The following CYRIA variants were observed in gnomAD, a reference collection of about 807,000 sequenced individuals.
The protein encoded by CYRIA is CYFIP related Rac1 interactor A, also known as CYFIP-related Rac1 interactor A.
In CYRIA, 15 loss-of-function variants were observed where a neutral mutation model predicts 43.9. The ratio of observed to expected loss-of-function variants is 0.34; its 90% CI spans 0.23 to 0.53. The LOEUF (loss-of-function observed/expected upper bound fraction) is 0.53, where lower values mean the gene tolerates loss of function less well. Among genes scored for constraint, CYRIA ranks in the 20% least tolerant of loss-of-function variants. The pLI, the probability that CYRIA is intolerant of heterozygous loss-of-function variation, is 0.94. For synonymous variants in CYRIA, 117 were observed against 136.0 expected, an observed-to-expected ratio of 0.86 and a Z score of 0.97; for missense variants, 236 against 394.2, an observed-to-expected ratio of 0.60 and a Z score of 3.40.
At chr2:16,586,955 C>T (rs1244702951) in intron 3 of CYRIA, among the ~76,000 whole-genome samples, 1 of 151,974 alleles carries the variant, frequency 6.6e-6, no homozygotes, top group East Asian at 1.9e-4. Context: ...TTTGAGCAAA[C>T]ATAAATGTTC....
intron 5 of CYRIA, 137 bp from the exon 6 acceptor site, chr2:16,562,278 G>T: frequency 1.1e-6 from 1 of 927,418 alleles, no homozygotes; most frequent in Non-Finnish European, 1.5e-6. Flanking sequence ...GAGGTGTGCT[G>T]CATGTGGACG....
chr2:16,587,350 A>G (rs1409083881), intron 3 of CYRIA, among the ~76,000 whole-genome samples: 1 of 152,138 alleles, frequency 6.6e-6, no homozygotes, highest in Non-Finnish European at 1.5e-5. Flanking sequence ...GGTTTTCTTC[A>G]CATCTTTTTT....
At chr2:16,637,189 T>C (rs1410514843) in intron 1 of CYRIA, among the ~76,000 whole-genome samples, 1 of 152,188 alleles carries the variant, frequency 6.6e-6, no homozygotes, top group Non-Finnish European at 1.5e-5. Flanking sequence ...GCAGTGCTCA[T>C]CAAACTCTTT....
Position 16,593,718 on chromosome 2 carries a change from GTTTTT to G in CYRIA, c.-10-5594_-10-5590del, listed in dbSNP as rs572181896. On this transcript the variant is annotated intron_variant, in intron 2 of 11. Transcript: ENST00000381323. Reference sequence around the variant, plus strand: ...TGTGTGTTTTTTTTTGTGTGTGTGTGTTTTTTTTTTTTTTTTTTTTATTATACTCT... The same window carrying G: ...TGTGTGTTTTTTTTTGTGTGTGTGTGTTTTTTTTTTTTTTTATTATACTCT... 4.0e-4 allele frequency among the ~76,000 whole-genome samples: 34 copies of G among 85,838 alleles called. 1 individual carries two copies. The highest frequency in any genetic ancestry group is 1.5e-3 in the African/African-American group (29 of 19,110). The allele number at this position is 85,838 out of a possible 152,430, so 56.3% of individuals were successfully genotyped here.
rs567960836 is a variant in CYRIA at position 16,623,462 on chromosome 2, A to C, written c.-11+402T>G. On this transcript the variant is annotated intron_variant, in intron 2 of 11. Coordinates refer to ENST00000381323, the MANE Select transcript of CYRIA (RefSeq NM_030797.4). ...CTGAATTTGTTTCTAAAGATGTTGTAGCAGGTGGGATGCAAGTCCGTTCTC... is the reference window on the plus strand; with the variant it reads ...CTGAATTTGTTTCTAAAGATGTTGTCGCAGGTGGGATGCAAGTCCGTTCTC... Among the ~76,000 whole-genome samples, 23 of 152,336 alleles carry C rather than the reference A, an allele frequency of 1.5e-4. No homozygotes were observed. The East Asian group carries it at 2.3e-3, about 15-fold the overall frequency.
intron 3 of CYRIA, among the ~76,000 whole-genome samples, chr2:16,576,851 C>A (rs1050983537): frequency 6.6e-6 from 1 of 152,048 alleles, no homozygotes; most frequent in African/African-American, 2.4e-5. Context: ...GAAGGAAATC[C>A]TGCCATATGC....
chr2:16,577,279 G>T (rs555745859), intron 3 of CYRIA, among the ~76,000 whole-genome samples: 1 of 151,872 alleles, frequency 6.6e-6, no homozygotes, highest in Non-Finnish European at 1.5e-5. Flanking sequence ...GAAAATCAGA[G>T]AAATATCTAT....
At chr2:16,567,734 G>A (rs1666991610) in intron 3 of CYRIA, among the ~76,000 whole-genome samples, 1 of 152,144 alleles carries the variant, frequency 6.6e-6, no homozygotes, top group South Asian at 2.1e-4. Flanking sequence ...GTCCTCATAG[G>A]TTATCCAGAA....
At chr2:16,626,393 G>T (rs944555724) in intron 1 of CYRIA, among the ~76,000 whole-genome samples, 3 of 152,028 alleles carry the variant, frequency 2.0e-5, no homozygotes, top group African/African-American at 4.8e-5. Context: ...CACCAACTTG[G>T]CTCTGATCCA....
intron 2 of CYRIA, among the ~76,000 whole-genome samples, chr2:16,593,706 T>G (rs201673158): frequency 0.12 from 12,018 of 96,908 alleles, 1,435 homozygotes; most frequent in East Asian, 0.6. Flanking sequence ...GTGTTTTTTT[T>G]TGTGTGTGTG....
intron 2 of CYRIA, among the ~76,000 whole-genome samples, chr2:16,613,086 C>G (rs1443725447): frequency 1.3e-5 from 2 of 152,204 alleles, no homozygotes; most frequent in African/African-American, 4.8e-5. Flanking sequence ...TCAATTAAAC[C>G]TCTTTCCTTT....
At chr2:16,576,036 T>C (rs531129119) in intron 3 of CYRIA, among the ~76,000 whole-genome samples, 7 of 152,144 alleles carry the variant, frequency 4.6e-5, no homozygotes, top group Admixed American at 2.0e-4. Context: ...TGTAAGTCCA[T>C]TAAACTTTTT....
chr2:16,589,586 C>A (rs1282902658), intron 2 of CYRIA, among the ~76,000 whole-genome samples: 1 of 152,080 alleles, frequency 6.6e-6, no homozygotes, highest in African/African-American at 2.4e-5. Flanking sequence ...GTTTCCTCAT[C>A]TGTAAAATTA....
chr2:16,617,511 T>C (rs1011628650), intron 2 of CYRIA, among the ~76,000 whole-genome samples: 1 of 152,212 alleles, frequency 6.6e-6, no homozygotes, highest in Admixed American at 6.5e-5. Flanking sequence ...GAGAGAGAAC[T>C]GAAACCAAGG....
At chr2:16,604,330 A>G (rs1380854268) in intron 2 of CYRIA, among the ~76,000 whole-genome samples, 3 of 152,228 alleles carry the variant, frequency 2.0e-5, no homozygotes, top group East Asian at 1.9e-4. Context: ...CAGGGCGGCC[A>G]CTGTTGTCAG....
intron 2 of CYRIA, among the ~76,000 whole-genome samples, chr2:16,603,368 A>G (rs1348332919): frequency 6.6e-6 from 1 of 152,230 alleles, no homozygotes; most frequent in Non-Finnish European, 1.5e-5. Flanking sequence ...CTATTATCCC[A>G]GTTTCAGAGA....
chr2:16,618,982 A>G (rs1668904898), intron 2 of CYRIA, among the ~76,000 whole-genome samples: 1 of 152,218 alleles, frequency 6.6e-6, no homozygotes, highest in African/African-American at 2.4e-5. Context: ...GAACAGTGAA[A>G]GAGGGGACAA....
intron 1 of CYRIA, among the ~76,000 whole-genome samples, chr2:16,647,193 T>C (rs987711615): frequency 1.3e-5 from 2 of 152,242 alleles, no homozygotes; most frequent in African/African-American, 4.8e-5. Context: ...TCTGGTACAA[T>C]CTTCCTTCCA....
At position 16,610,897 on chromosome 2, in the gene CYRIA, CATATATATATATATATAT is replaced by C. The variant is rs60848949; in HGVS notation, c.-11+12949_-11+12966del. On this transcript the variant is annotated intron_variant, in intron 2 of 11. Transcript: ENST00000381323. The stretch of plus-strand genomic sequence containing the variant: ...TAGGATTGACTTCTTTTAGTCCCAA[CATATATATATATATATAT>C]ATATATATATATATATATATATCCT... Among the ~76,000 whole-genome samples the C allele has an allele frequency of 5.0e-4, 46 of 92,596 alleles. 1 individual carries two copies. In the East Asian group the frequency reaches 0.014, roughly 29 times the overall value. 60.7% of individuals were successfully genotyped at this position (92,596 alleles called of 152,430 possible).
Sources: allele counts gnomAD v4.1 joint callset (sites outside exome capture counted in the v4.1 genomes callset), GRCh38; gene constraint gnomAD v4.1.1; transcripts MANE v1.5; gene names NCBI Gene and HGNC (gene_info 2026-07-23, HGNC 2026-07-21).